The following PDCD5 variants were observed in gnomAD, a reference collection of about 807,000 sequenced individuals.
PDCD5 encodes programmed cell death protein 5.
In PDCD5, 23 loss-of-function variants were observed where a neutral mutation model predicts 21.9. That is an observed-to-expected ratio of 1.05 (90% CI 0.76 to 1.49). PDCD5 has a LOEUF of 1.49. Among genes scored for constraint, PDCD5 ranks in the 40% most tolerant of loss-of-function variants. The pLI, the probability that PDCD5 is intolerant of heterozygous loss-of-function variation, is 0.00. For missense variants in PDCD5, 152 were observed against 147.7 expected, an observed-to-expected ratio of 1.03 and a Z score of -0.15; for synonymous variants, 45 against 49.4, an observed-to-expected ratio of 0.91 and a Z score of 0.37.
chr19:32,587,002 C>A lies in PDCD5; in HGVS notation c.330+73C>A, dbSNP rs193073801. On this transcript the variant is annotated intron_variant, in intron 5 of 5. Coordinates refer to ENST00000590247, the MANE Select transcript of PDCD5 (RefSeq NM_004708.4). ...AAGATTAATGTTGAGTATACATCTA[C>A]CACACATATTTTTCAGCCCAGAGAC... 4.9e-5 allele frequency: 61 copies of A among 1,239,046 alleles called. No homozygotes were observed. In the East Asian group the frequency reaches 1.4e-3, roughly 29 times the overall value. 76.8% of individuals were successfully genotyped at this position (1,239,046 alleles called of 1,614,324 possible). A position where few individuals can be genotyped will look rare whatever the true frequency, so the allele number is the denominator to read the frequency against.
chr19:32,586,858 G>A lies in PDCD5; in HGVS notation c.259G>A (p.Val87Ile), dbSNP rs1433446482. The A allele has an allele frequency of 6.2e-7, 1 of 1,602,744 alleles. No homozygotes were observed. The highest frequency in any genetic ancestry group is 1.8e-5 in the Admixed American group (1 of 56,868). ...MARYGQLSEK[V>I]SEQGLIEILK... Reference sequence around the variant, plus strand: ...TTCTTATCTTTTCTGGTTCTCCTAGGTATCAGAACAAGGTTTAATAGAAAT... The same window carrying A: ...TTCTTATCTTTTCTGGTTCTCCTAGATATCAGAACAAGGTTTAATAGAAAT... The change falls in exon 5 of 6, where the codon GTA becomes ATA. Residue 87 changes from valine (V) to isoleucine (I), a missense_variant and splice_region_variant. Coordinates refer to ENST00000590247, the MANE Select transcript of PDCD5 (RefSeq NM_004708.4).
At chr19:32,582,118 G>A in intron 1 of PDCD5, 77 bp from the exon 2 acceptor site, 1 of 998,604 alleles carries the variant, frequency 1.0e-6, no homozygotes, top group Non-Finnish European at 1.6e-6. Context: ...GTTATGTATA[G>A]GAAACAACAG....
chr19:32,584,787 A>G, intron 2 of PDCD5, 163 bp from the exon 3 acceptor site: 1 of 638,630 alleles, frequency 1.6e-6, no homozygotes, highest in Non-Finnish European at 2.8e-6. Flanking sequence ...AGGGGATTCT[A>G]CTTGAATGTA....
Position 32,587,335 on chromosome 19 carries a change from C to G in PDCD5, c.*35C>G. Reference sequence around the variant, plus strand: ...GCTCACAGACTAGAACTTAACGGAACAAGTCTAGGACAGAAGTTAAGATCT... The same window carrying G: ...GCTCACAGACTAGAACTTAACGGAAGAAGTCTAGGACAGAAGTTAAGATCT... On this transcript the variant is annotated 3_prime_UTR_variant, in exon 6 of 6. Coordinates refer to ENST00000590247, the MANE Select transcript of PDCD5 (RefSeq NM_004708.4). The G allele has an allele frequency of 9.7e-6, 14 of 1,446,452 alleles. No individual in the cohort carries two copies. Among genetic ancestry groups the G allele is most frequent in the Non-Finnish European group, 1.3e-5 (13 of 1,030,470 alleles). The allele number at this position is 1,446,452 out of a possible 1,614,324, so 89.6% of individuals were successfully genotyped here. A position where few individuals can be genotyped will look rare whatever the true frequency, so the allele number is the denominator to read the frequency against.
chr19:32,583,139 T>G (rs1176316366), intron 2 of PDCD5, among the ~76,000 whole-genome samples: 1 of 152,198 alleles, frequency 6.6e-6, no homozygotes, highest in Non-Finnish European at 1.5e-5. Flanking sequence ...CCATTGAAAG[T>G]TAAATTCTCT....
chr19:32,582,519 G>C (rs1481700948), intron 2 of PDCD5, among the ~76,000 whole-genome samples: 1 of 152,118 alleles, frequency 6.6e-6, no homozygotes, highest in Non-Finnish European at 1.5e-5. Context: ...CGGCTGTGGG[G>C]GTGACGTGAG....
intron 4 of PDCD5, chr19:32,586,561 G>T: frequency 2.6e-6 from 3 of 1,138,814 alleles, no homozygotes; most frequent in Non-Finnish European, 3.2e-6. Context: ...ATATGTGGTT[G>T]TCACACTCAG....
At chr19:32,583,148 C>T (rs181077984) in intron 2 of PDCD5, among the ~76,000 whole-genome samples, 139 of 152,318 alleles carry the variant, frequency 9.1e-4, no homozygotes, top group Admixed American at 1.4e-3. Context: ...GTTAAATTCT[C>T]TGCTTGAGGT....
chr19:32,582,622 G>T (rs762113240), intron 2 of PDCD5, among the ~76,000 whole-genome samples: 5 of 152,228 alleles, frequency 3.3e-5, no homozygotes, highest in Non-Finnish European at 7.3e-5. Flanking sequence ...ACCTGAGACA[G>T]ATGCAGGTAA....
chr19:32,581,879 CGTT>C (rs1455238639), intron 1 of PDCD5, among the ~76,000 whole-genome samples: 1 of 152,142 alleles, frequency 6.6e-6, no homozygotes, highest in Non-Finnish European at 1.5e-5. Context: ...TTTGAGTTAT[CGTT>C]GTCCCTAATA....
intron 1 of PDCD5, among the ~76,000 whole-genome samples, 166 bp from the exon 2 acceptor site, chr19:32,582,029 G>A (rs964867448): frequency 1.4e-4 from 22 of 152,106 alleles, no homozygotes; most frequent in African/African-American, 5.3e-4. Flanking sequence ...TCAAAACGTT[G>A]TAAGTGGGAA....
chr19:32,585,263 C>T (rs1430847549), intron 3 of PDCD5, among the ~76,000 whole-genome samples: 1 of 152,114 alleles, frequency 6.6e-6, no homozygotes, highest in Non-Finnish European at 1.5e-5. Context: ...ACTCATAGGG[C>T]CAATCACAAA....
At chr19:32,583,220 T>C (rs756776489) in intron 2 of PDCD5, among the ~76,000 whole-genome samples, 7 of 152,158 alleles carry the variant, frequency 4.6e-5, no homozygotes, top group Non-Finnish European at 1.0e-4. Flanking sequence ...ACTGAACTTT[T>C]TTCTTCTTTA....
chr19:32,585,776 AT>A (rs1304216067), intron 3 of PDCD5, 39 bp from the exon 4 acceptor site: 1 of 1,174,380 alleles, frequency 8.5e-7, no homozygotes, highest in African/African-American at 1.5e-5. Flanking sequence ...AGTGCATTTG[AT>A]TTTAATGGAT....
chr19:32,582,899 G>A (rs1971442552), intron 2 of PDCD5, among the ~76,000 whole-genome samples: 1 of 152,110 alleles, frequency 6.6e-6, no homozygotes. Flanking sequence ...CACTGTGCTG[G>A]GTCTACAGAA....
At position 32,581,301 on chromosome 19, in the gene PDCD5, C is replaced by T. The variant is rs767376169; in HGVS notation, c.40C>T (p.Leu14=). 7 of 1,527,216 alleles carry T rather than the reference C, an allele frequency of 4.6e-6. No individual in the cohort carries two copies. The highest frequency in any genetic ancestry group is 6.1e-6 in the Non-Finnish European group (7 of 1,141,848). The allele number at this position is 1,527,216 out of a possible 1,614,324, so 94.6% of individuals were successfully genotyped here. ...EELEALRRQR[L]AELQAKHGDP... is the part of the protein sequence containing the mutation. ...GCTTGAGGCGCTGAGGAGACAGAGG[C>T]TGGCCGAGCTGCAGGCCAAACACGG... Residue 14 remains leucine, a synonymous_variant, in exon 1 of 6, where the codon CTG becomes TTG. Transcript: ENST00000590247.
rs370449362 is a variant in PDCD5 at position 32,581,277 on chromosome 19, C to G, written c.16C>G (p.Leu6Val). 2.0e-6 allele frequency: 3 copies of G among 1,528,708 alleles called. No homozygotes were observed. Among genetic ancestry groups the G allele is most frequent in the Non-Finnish European group, 1.8e-6 (2 of 1,142,496 alleles). The allele number at this position is 1,528,708 out of a possible 1,614,324, so 94.7% of individuals were successfully genotyped here. MADEE[L>V]EALRRQRLAE... ...ACGCCGAGCCATGGCGGACGAGGAG[C>G]TTGAGGCGCTGAGGAGACAGAGGCT... Residue 6 changes from leucine (L) to valine (V), a missense_variant, in exon 1 of 6, where the codon CTT becomes GTT. Coordinates refer to ENST00000590247, the MANE Select transcript of PDCD5 (RefSeq NM_004708.4).
chr19:32,582,768 G>A (rs1238997385), intron 2 of PDCD5, among the ~76,000 whole-genome samples: 1 of 152,116 alleles, frequency 6.6e-6, no homozygotes, highest in South Asian at 2.1e-4. Context: ...TCACACTCTA[G>A]AATGTTTTCA....
intron 2 of PDCD5, among the ~76,000 whole-genome samples, chr19:32,583,930 C>T (rs1212640892): frequency 6.6e-6 from 1 of 152,186 alleles, no homozygotes; most frequent in African/African-American, 2.4e-5. Context: ...CTCTGAGCTT[C>T]AAGCGATTCT....
Sources: allele counts gnomAD v4.1 joint callset (sites outside exome capture counted in the v4.1 genomes callset), GRCh38; gene constraint gnomAD v4.1.1; transcripts MANE v1.5; gene names NCBI Gene and HGNC (gene_info 2026-07-23, HGNC 2026-07-21).